The following CNTN1 variants were observed in gnomAD, a reference collection of about 807,000 sequenced individuals.
CNTN1 encodes the protein contactin 1, also known as contactin-1.
In CNTN1, 38 loss-of-function variants were observed where a neutral mutation model predicts 126.4. The observed-to-expected ratio is 0.30, with a 90% CI of 0.23 to 0.39. The LOEUF is 0.39. CNTN1 is among the 10% of genes least tolerant of loss of function. The pLI is 1.00. For synonymous variants in CNTN1, 413 were observed against 422.6 expected (o/e 0.98, Z 0.28); for missense variants, 1,009 against 1,248.4 (o/e 0.81, Z 2.89).
intron 1 of CNTN1, among the ~76,000 whole-genome samples, chr12:40,901,814 C>T (rs956475349): frequency 2.6e-5 from 4 of 152,150 alleles, no homozygotes; most frequent in African/African-American, 7.2e-5. Flanking sequence ...ACAGTATGGT[C>T]TTCAGAAATT....
chr12:41,053,591 T>C (rs1216975869), intron 23 of CNTN1, among the ~76,000 whole-genome samples: 1 of 150,444 alleles, frequency 6.6e-6, no homozygotes, highest in African/African-American at 2.4e-5. Flanking sequence ...AACATATCTT[T>C]TGTAGCTCTC....
intron 1 of CNTN1, among the ~76,000 whole-genome samples, chr12:40,847,269 G>T (rs1294210903): frequency 6.6e-6 from 1 of 152,158 alleles, no homozygotes; most frequent in Non-Finnish European, 1.5e-5. Flanking sequence ...ACGTAAAAAA[G>T]ACTGCATTTA....
intron 1 of CNTN1, among the ~76,000 whole-genome samples, chr12:40,716,984 G>A (rs1942067448): frequency 6.6e-6 from 1 of 152,030 alleles, no homozygotes; most frequent in Non-Finnish European, 1.5e-5. Context: ...AGAGCAATGG[G>A]GAAAGAGAAA....
intron 23 of CNTN1, among the ~76,000 whole-genome samples, chr12:41,066,586 T>C (rs1950053526): frequency 6.6e-6 from 1 of 152,176 alleles, no homozygotes; most frequent in African/African-American, 2.4e-5. Context: ...TCACAAAATG[T>C]GACACCACAA....
intron 1 of CNTN1, among the ~76,000 whole-genome samples, chr12:40,720,436 A>G (rs1314863180): frequency 6.8e-6 from 1 of 147,304 alleles, no homozygotes; most frequent in African/African-American, 2.7e-5. Context: ...GTATGTGTAC[A>G]CACACACGAG....
intron 19 of CNTN1, 30 bp from the exon 20 acceptor site, chr12:41,020,307 T>C (rs773133049): frequency 3.7e-6 from 5 of 1,366,962 alleles, no homozygotes; most frequent in Non-Finnish European, 3.1e-6. Context: ...AATATCTCAC[T>C]AATAATATAA....
intron 15 of CNTN1, among the ~76,000 whole-genome samples, chr12:40,963,786 C>A (rs1283993036): frequency 6.6e-6 from 1 of 152,066 alleles, no homozygotes; most frequent in Admixed American, 6.6e-5. Context: ...CGGGTTGCCT[C>A]GTCAAAGTAA....
intron 18 of CNTN1, among the ~76,000 whole-genome samples, chr12:41,015,052 T>G (rs1473378229): frequency 2.0e-5 from 3 of 152,190 alleles, no homozygotes; most frequent in African/African-American, 7.2e-5. Flanking sequence ...TTTTGAAGAC[T>G]GTGGAAAAAA....
chr12:40,855,290 A>C (rs1477814514), intron 1 of CNTN1, among the ~76,000 whole-genome samples: 1 of 152,136 alleles, frequency 6.6e-6, no homozygotes. Flanking sequence ...TGTAATTTTC[A>C]GCATATTGTA....
chr12:40,981,665 T>G (rs1947826059), intron 16 of CNTN1, among the ~76,000 whole-genome samples: 1 of 152,140 alleles, frequency 6.6e-6, no homozygotes, highest in African/African-American at 2.4e-5. Context: ...GTGGGTACTT[T>G]CCTTTGTCTA....
At chr12:41,008,913 G>A (rs1369964000) in intron 17 of CNTN1, among the ~76,000 whole-genome samples, 1 of 152,206 alleles carries the variant, frequency 6.6e-6, no homozygotes, top group Non-Finnish European at 1.5e-5. Flanking sequence ...CAGTGTAAAT[G>A]TTAGCTACCT....
At chr12:40,765,948 A>G (rs1939066894) in intron 1 of CNTN1, among the ~76,000 whole-genome samples, 1 of 152,236 alleles carries the variant, frequency 6.6e-6, no homozygotes, top group African/African-American at 2.4e-5. Context: ...CAAAAGATAT[A>G]TCCAATGTTG....
intron 1 of CNTN1, among the ~76,000 whole-genome samples, chr12:40,898,147 G>C (rs1944480291): frequency 6.6e-6 from 1 of 152,074 alleles, no homozygotes. Context: ...TCTTTGATGT[G>C]TTAGGCATCA....
intron 1 of CNTN1, among the ~76,000 whole-genome samples, chr12:40,745,372 A>G (rs1425192709): frequency 6.6e-6 from 1 of 152,118 alleles, no homozygotes; most frequent in Non-Finnish European, 1.5e-5. Flanking sequence ...ATGAGACATC[A>G]GTCAATACAT....
intron 1 of CNTN1, among the ~76,000 whole-genome samples, chr12:40,906,462 GC>G (rs1944820405): frequency 6.6e-6 from 1 of 151,928 alleles, no homozygotes; most frequent in South Asian, 2.1e-4. Context: ...TCCAGCCTCT[GC>G]CAAATGCTAG....
intron 16 of CNTN1, among the ~76,000 whole-genome samples, chr12:40,985,755 C>T (rs1221995269): frequency 6.6e-6 from 1 of 152,056 alleles, no homozygotes; most frequent in African/African-American, 2.4e-5. Flanking sequence ...CCATTCATTA[C>T]CTCTTGAAAT....
intron 1 of CNTN1, among the ~76,000 whole-genome samples, chr12:40,764,822 A>C (rs1300197216): frequency 6.6e-6 from 1 of 152,294 alleles, no homozygotes; most frequent in East Asian, 1.9e-4. Flanking sequence ...CTCTCCAGGC[A>C]TTGTTGGATT....
chr12:40,869,843 C>T (rs1943425940), intron 1 of CNTN1, among the ~76,000 whole-genome samples: 1 of 152,136 alleles, frequency 6.6e-6, no homozygotes, highest in South Asian at 2.1e-4. Flanking sequence ...ATGATATACT[C>T]TGAAGACAAT....
At chr12:40,785,513 A>G (rs1013361577) in intron 1 of CNTN1, among the ~76,000 whole-genome samples, 3 of 152,162 alleles carry the variant, frequency 2.0e-5, no homozygotes, top group Non-Finnish European at 4.4e-5. Flanking sequence ...GAAAGTCAGC[A>G]AAGGGTGGTG....
Sources: allele counts gnomAD v4.1 joint callset (sites outside exome capture counted in the v4.1 genomes callset), GRCh38; gene constraint gnomAD v4.1.1; transcripts MANE v1.5; gene names NCBI Gene and HGNC (gene_info 2026-07-23, HGNC 2026-07-21).